The following AHCY variants were observed in gnomAD, a reference collection of about 807,000 sequenced individuals.
AHCY encodes S-adenosyl-L-homocysteine hydrolase.
AHCY carries 24 observed loss-of-function variants against 45.4 expected under a neutral mutation model. The observed-to-expected ratio is 0.53, with a 90% CI of 0.38 to 0.74. The LOEUF is 0.74. AHCY is among the 30% of genes least tolerant of loss of function. The probability of loss-of-function intolerance (pLI) is 0.00; values close to 1 mark genes in which losing one functional copy is unlikely to be tolerated. For synonymous variants in AHCY, 245 were observed against 235.1 expected (o/e 1.04, Z -0.39); for missense variants, 449 against 594.1 (o/e 0.76, Z 2.54).
chr20:34,295,158 GGAT>G (rs1482070628), intron 2 of AHCY: 4 of 625,412 alleles, frequency 6.4e-6, no homozygotes, highest in Non-Finnish European at 1.2e-5. Flanking sequence ...TCCATCAGGA[GGAT>G]GCCTTGAGGG....
chr20:34,277,754 CAAAA>C (rs59920283), downstream of AHCY, among the ~76,000 whole-genome samples: 3 of 39,740 alleles, frequency 7.5e-5, no homozygotes, highest in African/African-American at 7.6e-5. Context: ...GACTCCATCT[CAAAA>C]AAAAAAAAAA....
the AHCY span, among the ~76,000 whole-genome samples, chr20:34,243,009 A>AATG: frequency 2.6e-5 from 4 of 152,268 alleles, no homozygotes; most frequent in African/African-American, 9.6e-5. Flanking sequence ...GCCTAAAGGG[A>AATG]ATGATGTCAG....
chr20:34,289,472 CTTTTTTTT>C (rs762670836), intron 8 of AHCY, among the ~76,000 whole-genome samples: 1 of 106,372 alleles, frequency 9.4e-6, no homozygotes, highest in African/African-American at 4.0e-5. Context: ...TGTACCTGGC[CTTTTTTTT>C]TTTTTTTTTT....
chr20:34,235,901 A>G, the AHCY span, among the ~76,000 whole-genome samples: 285 of 70,224 alleles, frequency 4.1e-3, 27 homozygotes, highest in African/African-American at 0.056. Context: ...AAGGAAGGAA[A>G]GGAAGGAAGG....
At chr20:34,301,557 G>T (rs904832270) in intron 1 of AHCY, among the ~76,000 whole-genome samples, 7 of 152,288 alleles carry the variant, frequency 4.6e-5, no homozygotes, top group Admixed American at 6.5e-5. Context: ...TGCGCCTTAA[G>T]TAAAGATAAT....
chr20:34,239,109 A>G, the AHCY span, among the ~76,000 whole-genome samples: 22 of 152,216 alleles, frequency 1.4e-4, no homozygotes, highest in African/African-American at 4.1e-4. Context: ...GAAACTTGAT[A>G]TCTTTTCTGC....
intron 8 of AHCY, among the ~76,000 whole-genome samples, chr20:34,288,373 G>T (rs974987135): frequency 6.6e-6 from 1 of 152,146 alleles, no homozygotes; most frequent in African/African-American, 2.4e-5. Flanking sequence ...ACATAGGTGG[G>T]CTTTTCTCCC....
intron 1 of AHCY, chr20:34,302,797 C>G: frequency 9.9e-7 from 1 of 1,009,178 alleles, no homozygotes; most frequent in African/African-American, 1.7e-5. Flanking sequence ...TCCTCATACA[C>G]CCTCCGGGGT....
chr20:34,239,414 A>AC, the AHCY span, among the ~76,000 whole-genome samples: 1 of 152,094 alleles, frequency 6.6e-6, no homozygotes, highest in Admixed American at 6.6e-5. Context: ...ACGGGGTATC[A>AC]CCATGTTGGC....
the AHCY span, among the ~76,000 whole-genome samples, chr20:34,259,470 G>A: frequency 6.6e-6 from 1 of 152,092 alleles, no homozygotes; most frequent in Non-Finnish European, 1.5e-5. Flanking sequence ...CCAAGATCGT[G>A]CCACTGCACT....
chr20:34,239,727 T>C, the AHCY span, among the ~76,000 whole-genome samples: 1 of 152,206 alleles, frequency 6.6e-6, no homozygotes, highest in East Asian at 1.9e-4. Context: ...CCTATTCACT[T>C]ATCTTTCCAG....
chr20:34,303,113 G>A, intron 1 of AHCY, 130 bp downstream of exon 1: 3 of 1,490,972 alleles, frequency 2.0e-6, no homozygotes, highest in Non-Finnish European at 2.7e-6. Flanking sequence ...GCTTCGCGCG[G>A]CCAGAAACGC....
chr20:34,254,662 A>G, the AHCY span, among the ~76,000 whole-genome samples: 2 of 152,196 alleles, frequency 1.3e-5, no homozygotes, highest in Admixed American at 1.3e-4. Flanking sequence ...TATTTTCATT[A>G]TAGGGTTCTC....
At chr20:34,260,574 G>T in the AHCY span, 4 of 1,555,080 alleles carry the variant, frequency 2.6e-6, no homozygotes, top group Non-Finnish European at 3.5e-6. Flanking sequence ...CAGGAGAGGG[G>T]CTGCAGGAGA....
At chr20:34,303,431 A>G (rs923922412), upstream of AHCY, 42 of 1,064,802 alleles carry the variant, frequency 3.9e-5, no homozygotes, top group Middle Eastern at 4.1e-4. Flanking sequence ...GCGGGGCCCA[A>G]CGCGCAGGGC....
At chr20:34,302,466 G>T (rs2036809728) in intron 1 of AHCY, 1 of 399,020 alleles carries the variant, frequency 2.5e-6, no homozygotes, top group Non-Finnish European at 3.4e-6. Flanking sequence ...ACCACCAGCT[G>T]TAAGACTGAG....
intron 3 of AHCY, among the ~76,000 whole-genome samples, chr20:34,293,068 T>C (rs1043513527): frequency 6.6e-6 from 1 of 152,172 alleles, no homozygotes; most frequent in African/African-American, 2.4e-5. Flanking sequence ...AGCTACCATG[T>C]GTGGGGTACT....
Position 34,295,584 on chromosome 20 carries a change from G to A in AHCY, c.30C>T (p.Ala10=), listed in dbSNP as rs201546571. 6.2e-6 allele frequency: 10 copies of A among 1,613,816 alleles called. No homozygotes were observed. Among genetic ancestry groups the A allele is most frequent in the Non-Finnish European group, 8.5e-6 (10 of 1,179,904 alleles). Residue 10 remains alanine, a splice_region_variant and synonymous_variant, in exon 2 of 10, where the codon GCC becomes GCT. Transcript: ENST00000217426. MSDKLPYKV[A]DIGLAAWGRK... ...GTCCCCAGGCAGCCAGGCCGATGTCGGCTACGGGAGGAAACAGGTGGGAGT... is the reference window on the plus strand; with the variant it reads ...GTCCCCAGGCAGCCAGGCCGATGTCAGCTACGGGAGGAAACAGGTGGGAGT...
chr20:34,272,145 C>A, the AHCY span, among the ~76,000 whole-genome samples: 1 of 152,308 alleles, frequency 6.6e-6, no homozygotes, highest in East Asian at 1.9e-4. Context: ...CTCTTCAGTC[C>A]TTGCACTGGA....
Sources: allele counts gnomAD v4.1 joint callset (sites outside exome capture counted in the v4.1 genomes callset), GRCh38; gene constraint gnomAD v4.1.1; transcripts MANE v1.5; gene names NCBI Gene and HGNC (gene_info 2026-07-23, HGNC 2026-07-21).